PARP11: variants seen among roughly 807,000 people sequenced by gnomAD.
PARP11 encodes the protein protein mono-ADP-ribosyltransferase PARP11.
PARP11 carries 31 observed loss-of-function variants against 42.9 expected under a neutral mutation model. That is an observed-to-expected ratio of 0.72 (90% CI 0.54 to 0.98). The LOEUF (loss-of-function observed/expected upper bound fraction) is 0.98, where lower values mean the gene tolerates loss of function less well. PARP11 is among the 50% of genes least tolerant of loss of function. The pLI is 0.00. For synonymous variants in PARP11, 137 were observed against 127.3 expected, an observed-to-expected ratio of 1.08 and a Z score of -0.51; for missense variants, 365 against 413.1, an observed-to-expected ratio of 0.88 and a Z score of 1.01.
chr12:3,851,070 T>C (rs920044523), intron 1 of PARP11, among the ~76,000 whole-genome samples: 1 of 152,128 alleles, frequency 6.6e-6, no homozygotes, highest in Non-Finnish European at 1.5e-5. Context: ...AACTGAAAAT[T>C]GAAAAGAATA....
intron 6 of PARP11, 25 bp downstream of exon 6, chr12:3,821,848 A>C (rs1342810554): frequency 6.3e-7 from 1 of 1,589,808 alleles, no homozygotes; most frequent in Admixed American, 1.9e-5. Flanking sequence ...GGAAAGGAGA[A>C]GTTTCAGATT....
chr12:3,852,851 T>C (rs1252507440), intron 1 of PARP11, among the ~76,000 whole-genome samples: 1 of 151,624 alleles, frequency 6.6e-6, no homozygotes, highest in Non-Finnish European at 1.5e-5. Context: ...AAGGTTGAAA[T>C]GAAGGAAAAA....
intron 1 of PARP11, among the ~76,000 whole-genome samples, chr12:3,858,105 A>G (rs1015157455): frequency 1.3e-5 from 2 of 152,224 alleles, no homozygotes; most frequent in African/African-American, 4.8e-5. Context: ...GTGATTTCGA[A>G]GGACTCTGTA....
chr12:3,852,924 CA>C (rs1948122360), intron 1 of PARP11, among the ~76,000 whole-genome samples: 1 of 152,216 alleles, frequency 6.6e-6, no homozygotes, highest in African/African-American at 2.4e-5. Context: ...ATCAGACTAA[CA>C]GTGGATCTCT....
chr12:3,809,643 A>G lies in PARP11; in HGVS notation c.*2480T>C, dbSNP rs909211240. ...CTATGCATATAAAACTTGAAAAAAGATAGCCATGTTGAAGGGAGGACTATT... is the reference window on the plus strand; with the variant it reads ...CTATGCATATAAAACTTGAAAAAAGGTAGCCATGTTGAAGGGAGGACTATT... On this transcript the variant is annotated 3_prime_UTR_variant, in exon 8 of 8. Coordinates refer to ENST00000228820, the MANE Select transcript of PARP11 (RefSeq NM_020367.6). 5.3e-5 allele frequency: 8 copies of G among 152,352 alleles called. No homozygotes were observed. The South Asian group carries it at 1.7e-3, about 32-fold the overall frequency. The allele number at this position is 152,352 out of a possible 1,614,324, so 9.4% of individuals were successfully genotyped here.
intron 4 of PARP11, 68 bp from the exon 5 acceptor site, chr12:3,822,225 T>A (rs1411544212): frequency 3.5e-6 from 4 of 1,157,222 alleles, no homozygotes; most frequent in Non-Finnish European, 5.1e-6. Context: ...AACTTAGCCC[T>A]TCTTCAAAGC....
intron 6 of PARP11, among the ~76,000 whole-genome samples, chr12:3,819,431 T>C (rs1204407160): frequency 6.6e-6 from 1 of 152,202 alleles, no homozygotes; most frequent in Non-Finnish European, 1.5e-5. Context: ...TGTTGTGTCA[T>C]GCATTGTAGG....
chr12:3,851,518 G>C (rs566733084), intron 1 of PARP11, among the ~76,000 whole-genome samples: 2 of 152,260 alleles, frequency 1.3e-5, no homozygotes, highest in East Asian at 3.9e-4. Context: ...TAGCGCAGCA[G>C]TCCGAGATCA....
intron 1 of PARP11, among the ~76,000 whole-genome samples, chr12:3,848,844 C>A (rs1299414534): frequency 6.6e-6 from 1 of 151,196 alleles, no homozygotes; most frequent in African/African-American, 2.4e-5. Flanking sequence ...ACAAAGGAAA[C>A]AATCAACAAA....
chr12:3,847,654 G>T (rs1361821423), intron 1 of PARP11, among the ~76,000 whole-genome samples: 2 of 151,998 alleles, frequency 1.3e-5, no homozygotes, highest in Non-Finnish European at 2.9e-5. Context: ...CAACAAACTG[G>T]ATATAGAAGA....
intron 1 of PARP11, chr12:3,842,620 C>G: frequency 2.6e-6 from 2 of 771,466 alleles, no homozygotes; most frequent in Non-Finnish European, 4.3e-6. Flanking sequence ...GAACTCTTTC[C>G]TCTCCCCAGC....
intron 1 of PARP11, among the ~76,000 whole-genome samples, chr12:3,846,128 A>G (rs1408805641): frequency 6.6e-6 from 1 of 152,196 alleles, no homozygotes; most frequent in Non-Finnish European, 1.5e-5. Flanking sequence ...CACTTTTTGT[A>G]AGTGTTGAAT....
At chr12:3,816,302 T>C (rs1371050984) in intron 6 of PARP11, among the ~76,000 whole-genome samples, 1 of 152,252 alleles carries the variant, frequency 6.6e-6, no homozygotes, top group African/African-American at 2.4e-5. Context: ...CTACCCCTTC[T>C]AGTTTTGAAT....
Position 3,821,843 on chromosome 12 carries a change from G to A in PARP11, c.548+30C>T, listed in dbSNP as rs1328019586. 3.2e-6 allele frequency: 5 copies of A among 1,586,606 alleles called. No homozygotes were observed. The African/African-American group carries it at 5.5e-5, about 17-fold the overall frequency. ...TTAACCATAAAAGACATAGTGGAAAGGAGAAGTTTCAGATTAGAAATCATC... is the reference window on the plus strand; with the variant it reads ...TTAACCATAAAAGACATAGTGGAAAAGAGAAGTTTCAGATTAGAAATCATC... On this transcript the variant is annotated intron_variant, in intron 6 of 7. Coordinates refer to ENST00000228820, the MANE Select transcript of PARP11 (RefSeq NM_020367.6).
chr12:3,849,830 T>C (rs771539942), intron 1 of PARP11, among the ~76,000 whole-genome samples: 1 of 152,144 alleles, frequency 6.6e-6, no homozygotes, highest in Non-Finnish European at 1.5e-5. Context: ...GTTTGAATGG[T>C]TTCTAGCATA....
intron 6 of PARP11, among the ~76,000 whole-genome samples, chr12:3,820,178 A>G (rs1947364876): frequency 6.6e-6 from 1 of 152,216 alleles, no homozygotes; most frequent in Non-Finnish European, 1.5e-5. Context: ...TGCCCAGAAC[A>G]GTGCTTGTCA....
At chr12:3,817,145 C>T (rs924906375) in intron 6 of PARP11, among the ~76,000 whole-genome samples, 1 of 151,698 alleles carries the variant, frequency 6.6e-6, no homozygotes, top group African/African-American at 2.4e-5. Context: ...GAGCTGAGAT[C>T]GCGCCACTGC....
chr12:3,840,647 C>A lies in PARP11; in HGVS notation c.19-10629G>T. 8.3e-7 allele frequency: 1 copy of A among 1,197,938 alleles called. No individual in the cohort carries two copies. The highest frequency in any genetic ancestry group is 1.2e-6 in the Non-Finnish European group (1 of 800,084). The allele number at this position is 1,197,938 out of a possible 1,614,324, so 74.2% of individuals were successfully genotyped here. ...TTCTCAGAGTAGCAATCCATGTGTC[C>A]AGAGAAAATCATCACACGTAAGTGA... On this transcript the variant is annotated intron_variant, in intron 1 of 7. Transcript: ENST00000228820. This position sits in a 1 kb window ranked among gnomAD's most constrained non-coding sequence, Gnocchi z 4.4.
chr12:3,827,268 G>A (rs1028955805), intron 3 of PARP11, among the ~76,000 whole-genome samples: 1 of 152,178 alleles, frequency 6.6e-6, no homozygotes, highest in South Asian at 2.1e-4. Context: ...ATTACACAGA[G>A]GGTTGGGGAA....
Sources: gnomAD v4.1 joint callset for allele counts (sites outside exome capture counted in the v4.1 genomes callset) on GRCh38, gnomAD v4.1.1 for gene constraint, Gnocchi (gnomAD v3.1) non-coding constraint, MANE v1.5 for transcripts, NCBI Gene and HGNC (gene_info 2026-07-23, HGNC 2026-07-21) for gene names.